Variants in SYNJ2 observed in about 807,000 individuals in gnomAD.
The protein encoded by SYNJ2 is polyphosphatidylinositol phosphatase SYNJ2.
A neutral mutation model predicts 141.3 loss-of-function variants in SYNJ2; 116 were observed. That is an observed-to-expected ratio of 0.82 (90% CI 0.71 to 0.96). The LOEUF (loss-of-function observed/expected upper bound fraction) is 0.96, where lower values mean the gene tolerates loss of function less well. SYNJ2 is among the 40% of genes least tolerant of loss of function. The pLI is 0.00. For missense variants in SYNJ2, 1,873 were observed against 1,934.8 expected (o/e 0.97, Z 0.60); for synonymous variants, 745 against 777.7 (o/e 0.96, Z 0.70).
At chr6:158,031,988 G>A (rs933934979) in intron 3 of SYNJ2, among the ~76,000 whole-genome samples, 5 of 152,154 alleles carry the variant, frequency 3.3e-5, no homozygotes, top group Admixed American at 6.5e-5. Context: ...TATGTGTTTC[G>A]GAAGCTGGCT....
chr6:158,047,805 ACAC>A (rs1318392164), intron 5 of SYNJ2, among the ~76,000 whole-genome samples: 2 of 133,656 alleles, frequency 1.5e-5, no homozygotes, highest in African/African-American at 5.4e-5. Context: ...AAAAAAAAAA[ACAC>A]ACAGTATCTA....
At chr6:158,033,761 G>A in intron 4 of SYNJ2, 81 bp downstream of exon 4, 1 of 1,408,012 alleles carries the variant, frequency 7.1e-7, no homozygotes, top group Non-Finnish European at 9.7e-7. Flanking sequence ...ACTTGGGGCA[G>A]AAGAGGCCCT....
intron 24 of SYNJ2, 73 bp from the exon 25 acceptor site, chr6:158,089,766 G>A: frequency 8.9e-7 from 1 of 1,120,300 alleles, no homozygotes; most frequent in Non-Finnish European, 1.3e-6. Context: ...AGACCCACGG[G>A]TAGCAGATAC....
In SYNJ2 at chr6:158,028,801, C is replaced by G. The variant is rs1425791273; in HGVS notation, c.260C>G (p.Ser87Cys). Residue 87 changes from serine (S) to cysteine (C), a missense_variant, in exon 3 of 27, where the codon TCT becomes TGT. By Grantham distance (112) the Ser-to-Cys change is moderately radical. Transcript: ENST00000355585. The stretch of plus-strand genomic sequence containing the variant: ...CTGGTGTTGGTGACAGGCTGCACAT[C>G]TGTGGGCAGAATTCCAGATGCTGAA... ...SFLVLVTGCT[S>C]VGRIPDAEIY... The G allele has an allele frequency of 1.2e-6, 2 of 1,614,050 alleles. No individual in the cohort carries two copies. Among genetic ancestry groups the G allele is most frequent in the African/African-American group, 2.7e-5 (2 of 74,904 alleles).
rs1204602875 is a variant in SYNJ2 at position 158,043,351 on chromosome 6, C to G, written c.747C>G (p.Val249=). The G allele has an allele frequency of 6.2e-7, 1 of 1,614,110 alleles. No homozygotes were observed. Among genetic ancestry groups the G allele is most frequent in the East Asian group, 2.2e-5 (1 of 44,878 alleles). Residue 249 remains valine, a synonymous_variant, in exon 5 of 27, where the codon GTC becomes GTG. Coordinates refer to ENST00000355585, the MANE Select transcript of SYNJ2 (RefSeq NM_003898.4). This position sits in a 1 kb window ranked among gnomAD's most constrained non-coding sequence, Gnocchi z 4.0. ...IYMDDGVSSF[V]QIRGSVPLFW... is the part of the protein sequence containing the mutation. ...TGGACGATGGAGTGTCATCTTTTGT[C>G]CAGATCAGAGGCTCCGTTCCGCTGT...
chr6:158,033,759 C>A, intron 4 of SYNJ2, 79 bp downstream of exon 4: 1 of 1,409,374 alleles, frequency 7.1e-7, no homozygotes. Context: ...CCACTTGGGG[C>A]AGAAGAGGCC....
chr6:158,005,274 T>C (rs1778022779), intron 1 of SYNJ2, among the ~76,000 whole-genome samples: 1 of 152,126 alleles, frequency 6.6e-6, no homozygotes, highest in Admixed American at 6.5e-5. Context: ...AGATGGGGTT[T>C]CACCATGTTA....
chr6:157,986,487 C>G (rs1206329528), intron 1 of SYNJ2, among the ~76,000 whole-genome samples: 2 of 152,172 alleles, frequency 1.3e-5, no homozygotes, highest in Non-Finnish European at 2.9e-5. Context: ...GCATGCACCA[C>G]CACGCCCGGC....
In SYNJ2 at chr6:158,086,961, T is replaced by TCGGGGGGGGGGGGGGGGGGGGGGGGG; in HGVS notation, c.3316_3317insGGGGGGGGGGGGGGGGGGGGGGGGGC (p.Gln1106ArgfsTer21). ...CGGTCCCCAACCGGCCTCGGCCACC[T>TCGGGGGGGGGGGGGGGGGGGGGGGGG]CAACCCCCGCAGAGACCCCCCCCTC... On this transcript the variant is annotated frameshift_variant, in exon 23 of 27. Transcript: ENST00000355585. LOFTEE classifies it high-confidence loss of function. The TCGGGGGGGGGGGGGGGGGGGGGGGGG allele has an allele frequency of 6.2e-7, 1 of 1,600,464 alleles. No individual in the cohort carries two copies. The highest frequency in any genetic ancestry group is 8.5e-7 in the Non-Finnish European group (1 of 1,177,478).
chr6:158,074,757 A>G lies in SYNJ2; in HGVS notation c.2292+19A>G. 6.2e-7 allele frequency: 1 copy of G among 1,610,090 alleles called. No individual in the cohort carries two copies. The highest frequency in any genetic ancestry group is 1.1e-5 in the South Asian group (1 of 89,816). ...TGGAAAAGTAAGTTGTGCTTTAAAA[A>G]CATTTTTTAGCAGCTGCTCCAAGAT... On this transcript the variant is annotated intron_variant, in intron 16 of 26. Coordinates refer to ENST00000355585, the MANE Select transcript of SYNJ2 (RefSeq NM_003898.4).
Position 157,989,263 on chromosome 6 carries a change from AACTT to A in SYNJ2, c.127+7180_127+7183del, listed in dbSNP as rs573728080. Among the ~76,000 whole-genome samples the A allele has an allele frequency of 2.8e-4, 42 of 151,996 alleles. No homozygotes were observed. In the South Asian group the frequency reaches 4.6e-3, roughly 17 times the overall value. ...CTGATCCAAGTGGCTTACATTTATT[AACTT>A]ACTTCATCCTTATGTCAAGGCAAGT... On this transcript the variant is annotated intron_variant, in intron 1 of 26. Transcript: ENST00000355585.
Position 158,048,866 on chromosome 6 carries a change from C to A in SYNJ2, c.795+5467C>A, listed in dbSNP as rs373051444. Among the ~76,000 whole-genome samples, 38 of 152,324 alleles carry A rather than the reference C, an allele frequency of 2.5e-4. No homozygotes were observed. In the East Asian group the frequency reaches 3.3e-3, roughly 13 times the overall value. On this transcript the variant is annotated intron_variant, in intron 5 of 26. Transcript: ENST00000355585. ...GGTGCACCGTCGGCTTGCAAGCCTG[C>A]AGGAGCTGGCTCCAGCACACACTGG...
chr6:158,047,799 A>AAAAAAAAAAAAAC lies in SYNJ2; in HGVS notation c.795+4406_795+4407insAAAAAACAAAAAA, dbSNP rs1562355896. Among the ~76,000 whole-genome samples, 2 of 149,912 alleles carry AAAAAAAAAAAAAC rather than the reference A, an allele frequency of 1.3e-5. 1 individual carries two copies. The highest frequency in any genetic ancestry group is 4.9e-5 in the African/African-American group (2 of 40,782). ...CAAAAAAAAAAAAAAAAAAAAAAAA[A>AAAAAAAAAAAAAC]AAAAAACACACAGTATCTAGAATCT... On this transcript the variant is annotated intron_variant, in intron 5 of 26. Coordinates refer to ENST00000355585, the MANE Select transcript of SYNJ2 (RefSeq NM_003898.4).
At chr6:158,056,891 C>T (rs1780901141) in intron 6 of SYNJ2, among the ~76,000 whole-genome samples, 1 of 152,162 alleles carries the variant, frequency 6.6e-6, no homozygotes, top group South Asian at 2.1e-4. Context: ...TGTCACTTTG[C>T]TGTATGTGCT....
intron 5 of SYNJ2, among the ~76,000 whole-genome samples, chr6:158,054,386 C>T (rs1023507442): frequency 2.0e-5 from 3 of 152,222 alleles, no homozygotes; most frequent in African/African-American, 7.2e-5. Context: ...CCATTACTGT[C>T]CTCATACAGT....
rs1783244352 is a variant in SYNJ2 at position 158,088,721 on chromosome 6, G to A, written c.3405G>A (p.Gln1135=). The A allele has an allele frequency of 3.1e-6, 5 of 1,614,130 alleles. No individual in the cohort carries two copies. The highest frequency in any genetic ancestry group is 4.2e-6 in the Non-Finnish European group (5 of 1,180,022). ...DASISSGTHG[Q]YSILQTARLL... is the part of the protein sequence containing the mutation. ...CCATCTCCTCCGGCACCCATGGACA[G>A]TATTCAATTTTGCAGACGGCAAGAC... Residue 1135 remains glutamine (Q), a synonymous_variant, in exon 24 of 27, where the codon CAG becomes CAA. Transcript: ENST00000355585.
chr6:158,090,551 T>TTG (rs1783377084), intron 25 of SYNJ2, among the ~76,000 whole-genome samples: 1 of 148,480 alleles, frequency 6.7e-6, no homozygotes, highest in Non-Finnish European at 1.5e-5. Flanking sequence ...TGTTTTTTTT[T>TTG]TTTTTTTTTT....
chr6:158,013,992 G>GGAACC (rs1778362076), intron 1 of SYNJ2, among the ~76,000 whole-genome samples: 1 of 152,198 alleles, frequency 6.6e-6, no homozygotes, highest in African/African-American at 2.4e-5. Flanking sequence ...CCTGACTTAC[G>GGAACC]ATGGTTCCTT....
intron 2 of SYNJ2, among the ~76,000 whole-genome samples, chr6:158,021,050 C>T (rs140786133): frequency 1.3e-5 from 2 of 152,266 alleles, no homozygotes; most frequent in East Asian, 3.9e-4. Context: ...GAAGTTTACA[C>T]AATACAAAGC....
Sources: gnomAD v4.1 joint callset for allele counts (sites outside exome capture counted in the v4.1 genomes callset) on GRCh38, gnomAD v4.1.1 for gene constraint, Gnocchi (gnomAD v3.1) non-coding constraint, MANE v1.5 for transcripts, NCBI Gene and HGNC (gene_info 2026-07-23, HGNC 2026-07-21) for gene names.